MGAM2: variants seen among roughly 807,000 people sequenced by gnomAD.
The protein encoded by MGAM2 is maltase-glucoamylase 2 (putative).
A neutral mutation model predicts 96.1 loss-of-function variants in MGAM2; 98 were observed. The observed-to-expected ratio is 1.02, with a 90% CI of 0.87 to 1.21. The LOEUF is 1.21. MGAM2 is among the 50% of genes most tolerant of loss of function. The pLI, the probability that MGAM2 is intolerant of heterozygous loss-of-function variation, is 0.00. For synonymous variants in MGAM2, 749 were observed against 414.8 expected (o/e 1.81, Z -9.79); for missense variants, 2,055 against 1,182.4 (o/e 1.74, Z -10.82).
rs1207723226 is a variant in MGAM2 at position 142,164,460 on chromosome 7, T to TTTTATCAAA, written c.2485-396_2485-395insTTTATCAAA. Reference sequence around the variant, plus strand: ...TATTCTTAGCTCTTATCATCATTATTAGTAAAATAAAAGGAAGAAAATTAC... The same window carrying TTTTATCAAA: ...TATTCTTAGCTCTTATCATCATTATTTTTATCAAAAGTAAAATAAAAGGAAGAAAATTAC... On this transcript the variant is annotated intron_variant, in intron 23 of 47. Coordinates refer to ENST00000477922, the MANE Select transcript of MGAM2 (RefSeq NM_001293626.2). Among the ~76,000 whole-genome samples the TTTTATCAAA allele has an allele frequency of 1.2e-4, 19 of 152,170 alleles. 1 individual carries two copies. Among genetic ancestry groups the TTTTATCAAA allele is most frequent in the Admixed American group, 2.0e-4 (3 of 15,278 alleles).
chr7:142,129,119 GATT>G (rs1009158434), intron 3 of MGAM2, among the ~76,000 whole-genome samples: 14 of 152,222 alleles, frequency 9.2e-5, no homozygotes, highest in Admixed American at 8.5e-4. Context: ...AGTCAAAGGA[GATT>G]ATTTCAGAGC....
intron 12 of MGAM2, among the ~76,000 whole-genome samples, chr7:142,142,919 T>A (rs1453181706): frequency 6.6e-6 from 1 of 152,130 alleles, no homozygotes; most frequent in Non-Finnish European, 1.5e-5. Flanking sequence ...TTGCTGTAGG[T>A]GACTGTTTTG....
At chr7:142,151,198 A>T (rs1459353318) in intron 15 of MGAM2, among the ~76,000 whole-genome samples, 1 of 152,174 alleles carries the variant, frequency 6.6e-6, no homozygotes, top group Non-Finnish European at 1.5e-5. Context: ...ACTTTGTTGG[A>T]TAAATGCCTG....
intron 37 of MGAM2, among the ~76,000 whole-genome samples, chr7:142,195,600 ACCC>A: frequency 6.7e-6 from 1 of 149,334 alleles, no homozygotes; most frequent in Non-Finnish European, 1.5e-5. Context: ...CAAGTGATCC[ACCC>A]ACCTTGACCT....
intron 44 of MGAM2, 71 bp downstream of exon 44, chr7:142,198,810 C>A: frequency 4.6e-6 from 3 of 646,490 alleles, no homozygotes; most frequent in Non-Finnish European, 5.6e-6. Flanking sequence ...GGAGGCTGTC[C>A]CACCTTCGCC....
At chr7:142,163,890 A>G (rs1195408939) in intron 23 of MGAM2, among the ~76,000 whole-genome samples, 1 of 152,122 alleles carries the variant, frequency 6.6e-6, no homozygotes, top group Non-Finnish European at 1.5e-5. Flanking sequence ...ATATATTTAC[A>G]TTTTTAATTT....
intron 3 of MGAM2, among the ~76,000 whole-genome samples, chr7:142,129,336 G>C (rs1448817105): frequency 6.6e-6 from 1 of 152,116 alleles, no homozygotes; most frequent in Non-Finnish European, 1.5e-5. Flanking sequence ...CTTTGGACTT[G>C]TACTTTTGGA....
At chr7:142,139,901 A>G (rs1272841422) in intron 10 of MGAM2, among the ~76,000 whole-genome samples, 1 of 151,956 alleles carries the variant, frequency 6.6e-6, no homozygotes, top group Non-Finnish European at 1.5e-5. Flanking sequence ...CAAACATCCA[A>G]TTCCAGGAAG....
At chr7:142,165,230 C>T (rs531054411) in intron 24 of MGAM2, among the ~76,000 whole-genome samples, 185 of 152,178 alleles carry the variant, frequency 1.2e-3, no homozygotes, top group African/African-American at 3.9e-3. Context: ...AAGAAAATAG[C>T]GGGAGTCGGA....
chr7:142,133,157 A>G (rs1794953358), intron 6 of MGAM2, among the ~76,000 whole-genome samples: 1 of 140,208 alleles, frequency 7.1e-6, no homozygotes, highest in African/African-American at 2.6e-5. Flanking sequence ...ATTTATATTT[A>G]ATATAAATAT....
intron 3 of MGAM2, among the ~76,000 whole-genome samples, chr7:142,120,619 G>C (rs1447224174): frequency 6.6e-6 from 1 of 152,168 alleles, no homozygotes; most frequent in Non-Finnish European, 1.5e-5. Context: ...AAAGTCCAAG[G>C]TGGAGGGCGA....
chr7:142,186,277 G>A (rs980339735), intron 35 of MGAM2, among the ~76,000 whole-genome samples, 154 bp downstream of exon 35: 21 of 152,088 alleles, frequency 1.4e-4, no homozygotes, highest in Non-Finnish European at 2.6e-4. Flanking sequence ...AGGACCAAGA[G>A]AAGCAGAGAT....
At chr7:142,123,552 T>C (rs939229845) in intron 3 of MGAM2, among the ~76,000 whole-genome samples, 3 of 152,220 alleles carry the variant, frequency 2.0e-5, no homozygotes, top group Non-Finnish European at 2.9e-5. Context: ...TAAATATCTT[T>C]AGAAATGCTT....
intron 16 of MGAM2, 26 bp downstream of exon 16, chr7:142,154,215 C>CT (rs1168067869): frequency 5.4e-6 from 3 of 558,326 alleles, no homozygotes; most frequent in Non-Finnish European, 6.6e-6. Flanking sequence ...AACCAGGGAA[C>CT]TTTAACCCTT....
chr7:142,178,678 G>T (rs1188188949), intron 32 of MGAM2, among the ~76,000 whole-genome samples: 2 of 151,980 alleles, frequency 1.3e-5, no homozygotes, highest in Non-Finnish European at 2.9e-5. Context: ...GTGTGTGATA[G>T]TATACGTTGA....
intron 32 of MGAM2, among the ~76,000 whole-genome samples, chr7:142,182,025 C>T (rs2129094454): frequency 6.6e-6 from 1 of 152,246 alleles, no homozygotes; most frequent in East Asian, 1.9e-4. Context: ...GGCTGGTAAA[C>T]AGGCTACATC....
intron 46 of MGAM2, among the ~76,000 whole-genome samples, chr7:142,216,651 T>G (rs1313415260): frequency 6.6e-6 from 1 of 152,166 alleles, no homozygotes; most frequent in Non-Finnish European, 1.5e-5. Context: ...CTTGCAAAAT[T>G]CTAGGAAATT....
intron 15 of MGAM2, among the ~76,000 whole-genome samples, chr7:142,151,669 CT>C (rs1263696038): frequency 6.6e-6 from 1 of 152,146 alleles, no homozygotes; most frequent in African/African-American, 2.4e-5. Flanking sequence ...TTTCAAATTA[CT>C]TTTTTGCCCG....
chr7:142,202,838 T>A (rs150858577), intron 45 of MGAM2, among the ~76,000 whole-genome samples: 180 of 152,276 alleles, frequency 1.2e-3, no homozygotes, highest in African/African-American at 4.2e-3. Flanking sequence ...TACCAAGTAA[T>A]GAGATTGCTG....
Sources: gnomAD v4.1 joint callset for allele counts (sites outside exome capture counted in the v4.1 genomes callset) on GRCh38, gnomAD v4.1.1 for gene constraint, MANE v1.5 for transcripts, NCBI Gene and HGNC (gene_info 2026-07-23, HGNC 2026-07-21) for gene names.